CAMTA1: variants seen among roughly 807,000 people sequenced by gnomAD.
The protein encoded by CAMTA1 is calmodulin-binding transcription activator 1.
A neutral mutation model predicts 170.9 loss-of-function variants in CAMTA1; 27 were observed. That is an observed-to-expected ratio of 0.16 (90% confidence interval 0.12 to 0.22). The LOEUF (loss-of-function observed/expected upper bound fraction) is 0.22. Among genes scored for constraint, CAMTA1 ranks in the 10% least tolerant of loss-of-function variants. CAMTA1 has a pLI of 1.00. For synonymous variants in CAMTA1, 833 were observed against 891.5 expected, an observed-to-expected ratio of 0.93 and a Z score of 1.17; for missense variants, 1,619 against 2,217.2, an observed-to-expected ratio of 0.73 and a Z score of 5.42.
At position 7,591,986 on chromosome 1, in the gene CAMTA1, C is replaced by T. The variant is rs189563098; in HGVS notation, c.511-48414C>T. Among the ~76,000 whole-genome samples the T allele has an allele frequency of 1.4e-4, 21 of 152,310 alleles. 1 individual carries two copies. The highest frequency in any genetic ancestry group is 5.1e-4 in the African/African-American group (21 of 41,558). On this transcript the variant is annotated intron_variant, in intron 6 of 22. Coordinates refer to ENST00000303635, the MANE Select transcript of CAMTA1 (RefSeq NM_015215.4). ...GGATCTCAGCTCACTGCAACCTCCG[C>T]CTTGTGGGTTCAAGTGATTCTCCTG... is the stretch of plus-strand genomic sequence containing the variant.
chr1:7,396,358 A>G (rs2089304804), intron 5 of CAMTA1, among the ~76,000 whole-genome samples: 1 of 152,204 alleles, frequency 6.6e-6, no homozygotes, highest in Non-Finnish European at 1.5e-5. Flanking sequence ...TACAGCCTGT[A>G]GAGCCATGAG....
rs1572498525 is a variant in CAMTA1, at chr1:7,022,020, C to T, written c.235-69284C>T. Among the ~76,000 whole-genome samples, 5 of 152,278 alleles carry T rather than the reference C, an allele frequency of 3.3e-5. No individual in the cohort carries two copies. In the Middle Eastern group the frequency reaches 0.01, roughly 311 times the overall value. On this transcript the variant is annotated intron_variant, in intron 3 of 22. Transcript: ENST00000303635. Reference sequence around the variant, plus strand: ...AAGCAAAGTGACCTGCCCAAGGCCACGCAGCTGGTCAGGGGCAAAGCTCTG... The same window carrying T: ...AAGCAAAGTGACCTGCCCAAGGCCATGCAGCTGGTCAGGGGCAAAGCTCTG...
At chr1:7,083,814 A>G (rs560333749) in intron 3 of CAMTA1, among the ~76,000 whole-genome samples, 1 of 152,352 alleles carries the variant, frequency 6.6e-6, no homozygotes, top group South Asian at 2.1e-4. Flanking sequence ...GAGATCTGGC[A>G]CCACTGAAAT....
intron 6 of CAMTA1, among the ~76,000 whole-genome samples, chr1:7,596,661 C>T (rs971258439): frequency 1.2e-4 from 19 of 152,246 alleles, no homozygotes; most frequent in African/African-American, 4.6e-4. Flanking sequence ...GACTGGTTTG[C>T]TCTGACTTCC....
At chr1:7,361,117 T>C (rs2085507424) in intron 5 of CAMTA1, among the ~76,000 whole-genome samples, 1 of 152,236 alleles carries the variant, frequency 6.6e-6, no homozygotes, top group Admixed American at 6.5e-5. Flanking sequence ...GCCTGGCCAA[T>C]GGGCTGCTTT....
intron 1 of CAMTA1, among the ~76,000 whole-genome samples, chr1:6,790,973 GTAA>G (rs1640928282): frequency 6.6e-6 from 1 of 152,130 alleles, no homozygotes; most frequent in African/African-American, 2.4e-5. Flanking sequence ...TGTGAGGTTT[GTAA>G]TATGTGGTTT....
At chr1:7,656,813 G>A (rs1343906797) in intron 7 of CAMTA1, among the ~76,000 whole-genome samples, 1 of 152,252 alleles carries the variant, frequency 6.6e-6, no homozygotes, top group Non-Finnish European at 1.5e-5. Context: ...CAAAGCATGG[G>A]CCACACGCTG....
At chr1:7,048,653 G>C (rs1239089108) in intron 3 of CAMTA1, among the ~76,000 whole-genome samples, 1 of 152,176 alleles carries the variant, frequency 6.6e-6, no homozygotes, top group East Asian at 1.9e-4. Flanking sequence ...ACCTGTCCCT[G>C]AGCCTTCCCT....
At chr1:6,844,690 C>CAAAA (rs1180942073) in intron 3 of CAMTA1, among the ~76,000 whole-genome samples, 1 of 52,020 alleles carries the variant, frequency 1.9e-5, no homozygotes, top group Non-Finnish European at 3.4e-5. Context: ...ACCCTGTGTC[C>CAAAA]AAAAAAAAAA....
At chr1:7,522,535 A>T (rs2094379294) in intron 6 of CAMTA1, among the ~76,000 whole-genome samples, 1 of 152,212 alleles carries the variant, frequency 6.6e-6, no homozygotes, top group Non-Finnish European at 1.5e-5. Context: ...TTTATGGACC[A>T]TGCTTTTAGG....
At chr1:6,990,216 A>G (rs539128461) in intron 3 of CAMTA1, among the ~76,000 whole-genome samples, 1 of 152,292 alleles carries the variant, frequency 6.6e-6, no homozygotes, top group African/African-American at 2.4e-5. Context: ...TTTATTTTCA[A>G]TCTTTCTTGT....
intron 3 of CAMTA1, among the ~76,000 whole-genome samples, chr1:7,038,490 A>T (rs905195633): frequency 6.6e-6 from 1 of 152,232 alleles, no homozygotes; most frequent in Non-Finnish European, 1.5e-5. Context: ...GAGTTTTGCA[A>T]TGAAACCCAT....
At chr1:7,599,026 C>G (rs1284496090) in intron 6 of CAMTA1, among the ~76,000 whole-genome samples, 6 of 152,134 alleles carry the variant, frequency 3.9e-5, no homozygotes, top group Non-Finnish European at 8.8e-5. Context: ...TGCCTATGTC[C>G]TGAATGGTAT....
intron 4 of CAMTA1, among the ~76,000 whole-genome samples, chr1:7,141,225 G>A (rs78926223): frequency 0.018 from 2,738 of 152,206 alleles, 35 homozygotes; most frequent in African/African-American, 0.03. Context: ...AGGTGAAAAG[G>A]TGATACCCCC....
chr1:6,818,302 A>C (rs1383499595), intron 1 of CAMTA1, among the ~76,000 whole-genome samples: 1 of 152,166 alleles, frequency 6.6e-6, no homozygotes, highest in Non-Finnish European at 1.5e-5. Flanking sequence ...CCACCACTAC[A>C]CTCCAGTCTG....
chr1:6,941,588 G>A (rs1686636408), intron 3 of CAMTA1, among the ~76,000 whole-genome samples: 1 of 152,230 alleles, frequency 6.6e-6, no homozygotes, highest in African/African-American at 2.4e-5. Context: ...CAGTGTTAAT[G>A]AGCAGGTTAG....
Position 7,333,123 on chromosome 1 carries a change from G to A in CAMTA1, c.438+83497G>A, listed in dbSNP as rs907015734. Among the ~76,000 whole-genome samples, 11 of 152,214 alleles carry A rather than the reference G, an allele frequency of 7.2e-5. No individual in the cohort carries two copies. The highest frequency in any genetic ancestry group is 2.7e-4 in the African/African-American group (11 of 41,454). On this transcript the variant is annotated intron_variant, in intron 5 of 22. Transcript: ENST00000303635. This position sits in a 1 kb window ranked among gnomAD's most constrained non-coding sequence, Gnocchi z 4.4. ...AGCAACAGAATCCTCTTTAGTCCTA[G>A]TGGCAGGTCACCCAGTGACTGGCAT...
intron 1 of CAMTA1, among the ~76,000 whole-genome samples, chr1:6,796,723 C>T (rs1164167835): frequency 6.6e-6 from 1 of 152,062 alleles, no homozygotes; most frequent in Non-Finnish European, 1.5e-5. Flanking sequence ...GCTGTTGACT[C>T]CGGTTTCTCC....
At chr1:6,817,343 TTC>T (rs1460803839) in intron 1 of CAMTA1, among the ~76,000 whole-genome samples, 1 of 152,216 alleles carries the variant, frequency 6.6e-6, no homozygotes, top group Non-Finnish European at 1.5e-5. Flanking sequence ...ATCGTAAAAT[TTC>T]AAGTTTTAAT....
Sources: allele counts gnomAD v4.1 joint callset (sites outside exome capture counted in the v4.1 genomes callset), GRCh38; gene constraint gnomAD v4.1.1; non-coding constraint Gnocchi (gnomAD v3.1); transcripts MANE v1.5; gene names NCBI Gene and HGNC (gene_info 2026-07-23, HGNC 2026-07-21).